Variants in WDPCP observed in about 807,000 individuals in gnomAD.
WDPCP encodes WD repeat-containing and planar cell polarity effector protein fritz homolog.
A neutral mutation model predicts 93.1 loss-of-function variants in WDPCP; 71 were observed. That is an observed-to-expected ratio of 0.76 (90% CI 0.63 to 0.93). The LOEUF (loss-of-function observed/expected upper bound fraction) is 0.93. Ranked by LOEUF, WDPCP falls within the 40% of genes least tolerant of loss-of-function variation. The probability of loss-of-function intolerance (pLI) is 0.00; values close to 1 mark genes in which losing one functional copy is unlikely to be tolerated. For missense variants in WDPCP, 844 were observed against 887.4 expected, an observed-to-expected ratio of 0.95 and a Z score of 0.62; for synonymous variants, 315 against 315.0, an observed-to-expected ratio of 1.00 and a Z score of 0.00.
chr2:63,552,994 C>A (rs773301557), intron 1 of WDPCP, among the ~76,000 whole-genome samples: 2 of 152,150 alleles, frequency 1.3e-5, no homozygotes, highest in Non-Finnish European at 2.9e-5. Flanking sequence ...GCCTTGCATG[C>A]CAAACTAAGA....
chr2:63,443,169 G>A (rs1473710741), intron 6 of WDPCP: 1 of 152,218 alleles, frequency 6.6e-6, no homozygotes, highest in South Asian at 2.1e-4. Context: ...TGTTCCAAGT[G>A]CTGAGAATAC....
intron 3 of WDPCP, among the ~76,000 whole-genome samples, chr2:63,649,532 G>T (rs1265012848): frequency 6.6e-6 from 1 of 152,120 alleles, no homozygotes; most frequent in South Asian, 2.1e-4. Context: ...GATTTTGTGG[G>T]AATATGTTTT....
chr2:63,790,918 A>G (rs1206663574), intron 2 of WDPCP, among the ~76,000 whole-genome samples: 1 of 152,220 alleles, frequency 6.6e-6, no homozygotes, highest in East Asian at 1.9e-4. Flanking sequence ...TTTACATATA[A>G]TAAGGCAAGA....
chr2:63,669,326 C>T (rs564096947), intron 2 of WDPCP, among the ~76,000 whole-genome samples: 67 of 151,694 alleles, frequency 4.4e-4, no homozygotes, highest in African/African-American at 1.5e-3. Context: ...CTAAGCAACC[C>T]GATTCTTCTA....
intron 2 of WDPCP, among the ~76,000 whole-genome samples, chr2:63,725,925 T>C (rs922266148): frequency 3.9e-5 from 6 of 152,176 alleles, no homozygotes; most frequent in East Asian, 3.8e-4. Flanking sequence ...AAGTTCCTTA[T>C]AGATTCTGGA....
At chr2:63,336,543 G>A (rs1258320625) in intron 12 of WDPCP, among the ~76,000 whole-genome samples, 2 of 152,046 alleles carry the variant, frequency 1.3e-5, no homozygotes, top group African/African-American at 2.4e-5. Context: ...AGTTTTCTGA[G>A]TGTTTTTAAC....
In WDPCP at chr2:63,153,494, C is replaced by T. The variant is rs936081975; in HGVS notation, c.2158+1G>A. ...TACTTGGGTGTCTTGAATACCATTA[C>T]CTTCTGCATTACAGGTATTAGTCAT... On this transcript the variant is annotated splice_donor_variant, in intron 16 of 17. Transcript: ENST00000272321. LOFTEE classifies it high-confidence loss of function. 1 of 1,609,052 alleles carries T rather than the reference C, an allele frequency of 6.2e-7. No individual in the cohort carries two copies. Among genetic ancestry groups the T allele is most frequent in the Non-Finnish European group, 8.5e-7 (1 of 1,176,058 alleles).
chr2:63,146,403 C>T (rs1468116066), intron 17 of WDPCP, among the ~76,000 whole-genome samples: 3 of 132,422 alleles, frequency 2.3e-5, no homozygotes, highest in South Asian at 2.4e-4. Context: ...TTATTGAGAG[C>T]GTGTTTTTTT....
chr2:63,231,394 C>CTGTT (rs1276701819), intron 14 of WDPCP, among the ~76,000 whole-genome samples: 2 of 152,160 alleles, frequency 1.3e-5, no homozygotes, highest in African/African-American at 4.8e-5. Flanking sequence ...CAAATTGTCC[C>CTGTT]TGTTTGCAGA....
intron 2 of WDPCP, among the ~76,000 whole-genome samples, chr2:63,807,870 A>T (rs142648350): frequency 1.2e-4 from 18 of 152,352 alleles, no homozygotes. Context: ...TAGTATTTTT[A>T]AAACCAAAAA....
At chr2:63,812,398 A>G (rs1176746221) in intron 2 of WDPCP, among the ~76,000 whole-genome samples, 1 of 152,180 alleles carries the variant, frequency 6.6e-6, no homozygotes, top group African/African-American at 2.4e-5. Flanking sequence ...TTTTTGGTAG[A>G]ATGATTTGTT....
intron 14 of WDPCP, among the ~76,000 whole-genome samples, chr2:63,252,998 T>G (rs1680863418): frequency 6.6e-6 from 1 of 152,064 alleles, no homozygotes; most frequent in Non-Finnish European, 1.5e-5. Context: ...GGATCACCAT[T>G]ACCCAACTTT....
chr2:63,443,032 G>A (rs1180205984), intron 6 of WDPCP: 1 of 152,050 alleles, frequency 6.6e-6, no homozygotes, highest in Non-Finnish European at 1.5e-5. Flanking sequence ...GGAGACTATG[G>A]ATCCTGCCAA....
chr2:63,402,463 C>A (rs1411250863), intron 10 of WDPCP, among the ~76,000 whole-genome samples: 8 of 151,982 alleles, frequency 5.3e-5, no homozygotes, highest in Admixed American at 3.9e-4. Flanking sequence ...GCACATGTAT[C>A]CTGGAACTTA....
At chr2:63,142,950 A>ACC (rs1050393260) in intron 17 of WDPCP, among the ~76,000 whole-genome samples, 8 of 151,224 alleles carry the variant, frequency 5.3e-5, no homozygotes, top group African/African-American at 1.9e-4. Flanking sequence ...ACACACACAC[A>ACC]CCCATCTATA....
intron 3 of WDPCP, among the ~76,000 whole-genome samples, chr2:63,616,566 A>G (rs1463346358): frequency 1.3e-5 from 2 of 152,214 alleles, no homozygotes; most frequent in Non-Finnish European, 2.9e-5. Context: ...ATATAAAACA[A>G]AAACGAAATA....
chr2:63,440,981 C>T (rs1697465770), intron 6 of WDPCP: 1 of 152,178 alleles, frequency 6.6e-6, no homozygotes, highest in Non-Finnish European at 1.5e-5. Context: ...CCATTCCTCA[C>T]TGCCTAACAG....
intron 14 of WDPCP, among the ~76,000 whole-genome samples, chr2:63,202,302 C>T (rs1047234021): frequency 6.6e-6 from 1 of 151,994 alleles, no homozygotes; most frequent in Non-Finnish European, 1.5e-5. Flanking sequence ...ATTGCTTTCA[C>T]ATCAGGGTGT....
At chr2:63,333,154 G>T (rs1688103955) in intron 12 of WDPCP, among the ~76,000 whole-genome samples, 1 of 151,660 alleles carries the variant, frequency 6.6e-6, no homozygotes. Context: ...TTTTTATCTT[G>T]CCCAAATTCC....
Sources: gnomAD v4.1 joint callset for allele counts (sites outside exome capture counted in the v4.1 genomes callset) on GRCh38, gnomAD v4.1.1 for gene constraint, MANE v1.5 for transcripts, NCBI Gene and HGNC (gene_info 2026-07-23, HGNC 2026-07-21) for gene names.